The following ZNF385D variants were observed in gnomAD, a reference collection of about 807,000 sequenced individuals.
The protein encoded by ZNF385D is zinc finger protein 659.
ZNF385D carries 15 observed loss-of-function variants against 35.8 expected under a neutral mutation model. That is an observed-to-expected ratio of 0.42 (90% CI 0.28 to 0.64). The LOEUF (loss-of-function observed/expected upper bound fraction) is 0.64. Among genes scored for constraint, ZNF385D ranks in the 30% least tolerant of loss-of-function variants. The pLI is 0.23. For synonymous variants in ZNF385D, 212 were observed against 186.8 expected (o/e 1.13, Z -1.10); for missense variants, 474 against 494.6 (o/e 0.96, Z 0.39).
chr3:22,342,001 C>T (rs1460825958), intron 2 of ZNF385D, among the ~76,000 whole-genome samples: 1 of 152,012 alleles, frequency 6.6e-6, no homozygotes, highest in Admixed American at 6.6e-5. Flanking sequence ...TGAGGCCGGG[C>T]GCGGTGGCTC....
intron 2 of ZNF385D, among the ~76,000 whole-genome samples, chr3:21,638,810 G>A (rs1349608965): frequency 2.0e-5 from 3 of 152,052 alleles, no homozygotes; most frequent in Non-Finnish European, 4.4e-5. Flanking sequence ...AAGACCTATA[G>A]TGAAATATAA....
At chr3:22,295,998 C>A (rs1020022269) in intron 2 of ZNF385D, among the ~76,000 whole-genome samples, 1 of 152,080 alleles carries the variant, frequency 6.6e-6, no homozygotes, top group Non-Finnish European at 1.5e-5. Flanking sequence ...TTCATGAGAA[C>A]AAATGACTGG....
chr3:22,092,952 G>C (rs1256457815), intron 3 of ZNF385D, among the ~76,000 whole-genome samples: 1 of 151,866 alleles, frequency 6.6e-6, no homozygotes, highest in Non-Finnish European at 1.5e-5. Context: ...ATAATATTTT[G>C]AATGTTATTT....
At position 21,933,719 on chromosome 3, in the gene ZNF385D, A is replaced by G. The variant is rs376534405; in HGVS notation, c.325+235098T>C. ...TATGACTCTACCGTTGAGTCTTCAT[A>G]TAAATTAAATCTTATTGAGAAAGTC... On this transcript the variant is annotated intron_variant, in intron 3 of 5. Transcript: ENST00000494108. Among the ~76,000 whole-genome samples the G allele has an allele frequency of 7.2e-5, 11 of 152,370 alleles. No homozygotes were observed. In the South Asian group the frequency reaches 2.3e-3, roughly 32 times the overall value.
rs138840483 is a variant in ZNF385D, at chr3:22,331,742, G to C, written c.106+40708C>G. The stretch of plus-strand genomic sequence containing the variant: ...CCAATATATTTGCTAGGGATTTCTT[G>C]AGAAGCTCTATTGATTCACCCGTTT... On this transcript the variant is annotated intron_variant, in intron 2 of 5. Coordinates refer to the ZNF385D transcript ENST00000494108. Among the ~76,000 whole-genome samples, 666 of 152,150 alleles carry C rather than the reference G, an allele frequency of 4.4e-3. 1 individual carries two copies. The highest frequency in any genetic ancestry group is 0.015 in the African/African-American group (639 of 41,532).
At chr3:21,892,057 G>C (rs1214074725) in intron 3 of ZNF385D, among the ~76,000 whole-genome samples, 2 of 152,262 alleles carry the variant, frequency 1.3e-5, no homozygotes, top group East Asian at 1.9e-4. Context: ...ATATTGGTTT[G>C]TTTCGAGGGC....
chr3:21,661,905 A>G (rs1198854287), intron 2 of ZNF385D, among the ~76,000 whole-genome samples: 1 of 152,168 alleles, frequency 6.6e-6, no homozygotes, highest in Non-Finnish European at 1.5e-5. Context: ...GCTCTTGTGG[A>G]AGACAATAAT....
intron 3 of ZNF385D, among the ~76,000 whole-genome samples, chr3:21,787,518 G>T (rs946198082): frequency 6.6e-6 from 1 of 152,050 alleles, no homozygotes; most frequent in African/African-American, 2.4e-5. Flanking sequence ...CTGTCCTATG[G>T]AAGAGTAGAA....
intron 2 of ZNF385D, among the ~76,000 whole-genome samples, chr3:21,582,623 C>G (rs761991584): frequency 6.6e-6 from 1 of 152,154 alleles, no homozygotes; most frequent in Non-Finnish European, 1.5e-5. Flanking sequence ...AGGATAAAGT[C>G]AAGGATATCT....
chr3:21,883,110 CTT>C (rs1698362623), intron 3 of ZNF385D, among the ~76,000 whole-genome samples: 1 of 151,806 alleles, frequency 6.6e-6, no homozygotes, highest in Non-Finnish European at 1.5e-5. Flanking sequence ...CACATATCAT[CTT>C]ATGGGTTAGT....
chr3:21,641,880 G>A (rs563480901), intron 2 of ZNF385D, among the ~76,000 whole-genome samples: 1 of 152,038 alleles, frequency 6.6e-6, no homozygotes, highest in South Asian at 2.1e-4. Context: ...ATATCAAGCT[G>A]CACACATAAA....
intron 3 of ZNF385D, among the ~76,000 whole-genome samples, chr3:21,556,068 GTTTTTTTTTT>G (rs148079775): frequency 1.0e-5 from 1 of 99,020 alleles, no homozygotes; most frequent in African/African-American, 4.0e-5. Flanking sequence ...TTTTGTTTTT[GTTTTTTTTTT>G]TTTTTTTTTG....
At chr3:22,232,708 G>A (rs1698966032) in intron 2 of ZNF385D, among the ~76,000 whole-genome samples, 1 of 152,166 alleles carries the variant, frequency 6.6e-6, no homozygotes, top group African/African-American at 2.4e-5. Flanking sequence ...TCCCTGCAAA[G>A]GAGATGAACT....
chr3:22,161,927 C>T (rs1020129411), intron 3 of ZNF385D, among the ~76,000 whole-genome samples: 1 of 152,140 alleles, frequency 6.6e-6, no homozygotes, highest in Non-Finnish European at 1.5e-5. Context: ...CTGGGCAGTT[C>T]TGAAGACAAA....
At chr3:21,826,067 T>G (rs1694600216) in intron 3 of ZNF385D, among the ~76,000 whole-genome samples, 1 of 152,188 alleles carries the variant, frequency 6.6e-6, no homozygotes, top group South Asian at 2.1e-4. Flanking sequence ...GTAAAATGTC[T>G]TCCACAAAAC....
At chr3:22,059,953 G>T (rs1468158588) in intron 3 of ZNF385D, among the ~76,000 whole-genome samples, 1 of 152,138 alleles carries the variant, frequency 6.6e-6, no homozygotes, top group East Asian at 1.9e-4. Context: ...AGATAGACCT[G>T]GATAAAAGTG....
chr3:21,854,157 G>C (rs1024290098), intron 3 of ZNF385D, among the ~76,000 whole-genome samples: 1 of 151,702 alleles, frequency 6.6e-6, no homozygotes, highest in East Asian at 1.9e-4. Flanking sequence ...CAAAAGGGCA[G>C]TCTTAACTTT....
At chr3:21,586,746 C>G (rs2063822981) in intron 2 of ZNF385D, among the ~76,000 whole-genome samples, 1 of 94,580 alleles carries the variant, frequency 1.1e-5, no homozygotes, top group Non-Finnish European at 2.1e-5. Flanking sequence ...GATATGTAAC[C>G]TAACTGGGCA....
chr3:21,809,983 T>C (rs1387447358), intron 3 of ZNF385D, among the ~76,000 whole-genome samples: 1 of 152,144 alleles, frequency 6.6e-6, no homozygotes, highest in Non-Finnish European at 1.5e-5. Context: ...TTTACATGGA[T>C]TCCATACAAT....
Sources: allele counts gnomAD v4.1 joint callset (sites outside exome capture counted in the v4.1 genomes callset), GRCh38; gene constraint gnomAD v4.1.1; transcripts MANE v1.5; gene names NCBI Gene and HGNC (gene_info 2026-07-23, HGNC 2026-07-21).